Variants in ULK4 observed in about 807,000 individuals in gnomAD.
The protein encoded by ULK4 is inactive serine/threonine-protein kinase ULK4.
Under a neutral mutation model 160.6 loss-of-function variants are expected in ULK4, and 133 were observed. The observed-to-expected ratio is 0.83, with a 90% CI of 0.72 to 0.96. The LOEUF (loss-of-function observed/expected upper bound fraction) is 0.96, where lower values mean the gene tolerates loss of function less well. Among genes scored for constraint, ULK4 ranks in the 40% least tolerant of loss-of-function variants. ULK4 has a pLI of 0.00. For synonymous variants in ULK4, 534 were observed against 539.8 expected (o/e 0.99, Z 0.15); for missense variants, 1,580 against 1,499.5 (o/e 1.05, Z -0.89).
intron 8 of ULK4, among the ~76,000 whole-genome samples, chr3:41,914,595 C>T (rs201924072): frequency 2.8e-4 from 42 of 152,170 alleles, no homozygotes; most frequent in African/African-American, 9.9e-4. Context: ...ACCAAGTAAA[C>T]CCAAAAAAAT....
intron 22 of ULK4, among the ~76,000 whole-genome samples, chr3:41,739,779 G>A (rs1332593701): frequency 1.3e-5 from 2 of 151,864 alleles, no homozygotes; most frequent in Non-Finnish European, 2.9e-5. Context: ...ATGGGCCTGT[G>A]TACCAGGGAG....
intron 31 of ULK4, among the ~76,000 whole-genome samples, chr3:41,579,346 A>G (rs2030035393): frequency 6.6e-6 from 1 of 152,152 alleles, no homozygotes; most frequent in South Asian, 2.1e-4. Flanking sequence ...TAAGGAAGGA[A>G]GGAGGAACAG....
At chr3:41,818,889 T>C (rs1265984417) in intron 19 of ULK4, among the ~76,000 whole-genome samples, 2 of 152,262 alleles carry the variant, frequency 1.3e-5, no homozygotes, top group East Asian at 1.9e-4. Context: ...AGCTGGTTGG[T>C]TGGCCAGCTG....
chr3:41,468,155 T>C lies in ULK4; in HGVS notation c.3227-4902A>G, dbSNP rs956595504. Among the ~76,000 whole-genome samples the C allele has an allele frequency of 1.1e-4, 16 of 152,224 alleles. No homozygotes were observed. In the South Asian group the frequency reaches 3.3e-3, roughly 32 times the overall value. On this transcript the variant is annotated intron_variant, in intron 32 of 36. Coordinates refer to ENST00000301831, the MANE Select transcript of ULK4 (RefSeq NM_017886.4). Reference sequence around the variant, plus strand: ...AACTTTTAAGATATGCTGAGTTTGATACAACAAAGGGACATTCAAAGTGCC... The same window carrying C: ...AACTTTTAAGATATGCTGAGTTTGACACAACAAAGGGACATTCAAAGTGCC...
At chr3:41,924,376 A>G (rs985934458) in intron 5 of ULK4, among the ~76,000 whole-genome samples, 11 of 152,196 alleles carry the variant, frequency 7.2e-5, no homozygotes, top group Non-Finnish European at 1.2e-4. Context: ...CGATCCCAAA[A>G]GGTCAGGGCT....
At chr3:41,873,578 G>A (rs1312295617) in intron 17 of ULK4, among the ~76,000 whole-genome samples, 2 of 152,076 alleles carry the variant, frequency 1.3e-5, no homozygotes, top group Admixed American at 1.3e-4. Flanking sequence ...TTTCGAGATG[G>A]AGTCTCACTC....
chr3:41,736,511 T>A (rs933489811), intron 22 of ULK4, among the ~76,000 whole-genome samples: 3 of 152,038 alleles, frequency 2.0e-5, no homozygotes, highest in African/African-American at 7.3e-5. Context: ...TGTCTGTTCA[T>A]ATCCTTCGCC....
chr3:41,390,002 T>C (rs2081917707), intron 35 of ULK4, among the ~76,000 whole-genome samples: 1 of 152,120 alleles, frequency 6.6e-6, no homozygotes, highest in Non-Finnish European at 1.5e-5. Context: ...CATCTGGTCC[T>C]GAACTCTTTT....
intron 31 of ULK4, among the ~76,000 whole-genome samples, chr3:41,584,711 AAGAC>A (rs2030662619): frequency 1.3e-5 from 2 of 152,230 alleles, no homozygotes; most frequent in Non-Finnish European, 2.9e-5. Flanking sequence ...CCCTCAATCT[AAGAC>A]AGATGACGCA....
chr3:41,338,235 T>C (rs1224163279), intron 35 of ULK4, among the ~76,000 whole-genome samples: 1 of 152,202 alleles, frequency 6.6e-6, no homozygotes, highest in Non-Finnish European at 1.5e-5. Flanking sequence ...CAGCTTCCTG[T>C]TCCCCTCCTT....
chr3:41,765,007 C>T (rs184486320), intron 21 of ULK4, among the ~76,000 whole-genome samples: 9 of 152,288 alleles, frequency 5.9e-5, no homozygotes, highest in Admixed American at 5.2e-4. Context: ...GGCGATTCCT[C>T]AGGGATCTAG....
chr3:41,380,496 G>C (rs1414397295), intron 35 of ULK4, among the ~76,000 whole-genome samples: 1 of 152,080 alleles, frequency 6.6e-6, no homozygotes, highest in African/African-American at 2.4e-5. Context: ...CAGAGGCAGG[G>C]AGATAGGGAA....
chr3:41,528,420 C>G (rs1048897044), intron 32 of ULK4, among the ~76,000 whole-genome samples: 1 of 152,188 alleles, frequency 6.6e-6, no homozygotes, highest in South Asian at 2.1e-4. Context: ...CATTTTGTAG[C>G]CTACTTGTAA....
intron 17 of ULK4, among the ~76,000 whole-genome samples, chr3:41,846,750 A>C (rs1035726468): frequency 6.6e-6 from 1 of 151,164 alleles, no homozygotes; most frequent in Non-Finnish European, 1.5e-5. Flanking sequence ...GGTTGCAGCA[A>C]GCCAAGATCA....
At chr3:41,775,302 C>G (rs2039566651) in intron 21 of ULK4, among the ~76,000 whole-genome samples, 1 of 150,342 alleles carries the variant, frequency 6.7e-6, no homozygotes, top group Admixed American at 6.6e-5. Flanking sequence ...AAAAGTGTAT[C>G]TTTAAACCAT....
At chr3:41,811,327 G>A (rs189438781) in intron 19 of ULK4, among the ~76,000 whole-genome samples, 43 of 152,250 alleles carry the variant, frequency 2.8e-4, no homozygotes, top group African/African-American at 1.0e-3. Flanking sequence ...AGGACTATAG[G>A]TGTACACCCA....
chr3:41,284,075 T>C (rs1322784559), intron 35 of ULK4, among the ~76,000 whole-genome samples: 1 of 152,152 alleles, frequency 6.6e-6, no homozygotes, highest in Admixed American at 6.5e-5. Flanking sequence ...CAATCATAGA[T>C]GACACAAACA....
intron 18 of ULK4, among the ~76,000 whole-genome samples, chr3:41,827,689 G>T (rs761069022): frequency 1.1e-4 from 17 of 152,176 alleles, no homozygotes; most frequent in Non-Finnish European, 2.4e-4. Context: ...TTCAGGACTA[G>T]ATGGATTCAC....
chr3:41,645,920 T>C (rs548385104), intron 30 of ULK4, among the ~76,000 whole-genome samples: 61 of 152,356 alleles, frequency 4.0e-4, no homozygotes, highest in South Asian at 2.9e-3. Context: ...CTCTTCTTGT[T>C]GAATTGATCC....
Sources: allele counts gnomAD v4.1 joint callset (sites outside exome capture counted in the v4.1 genomes callset), GRCh38; gene constraint gnomAD v4.1.1; transcripts MANE v1.5; gene names NCBI Gene and HGNC (gene_info 2026-07-23, HGNC 2026-07-21).